The following RECK variants were observed in gnomAD, a reference collection of about 807,000 sequenced individuals.
The protein encoded by RECK is reversion inducing cysteine rich protein with kazal motifs, also known as reversion-inducing cysteine-rich protein with Kazal motifs.
A neutral mutation model predicts 115.1 loss-of-function variants in RECK; 69 were observed. That is an observed-to-expected ratio of 0.60 (90% CI 0.49 to 0.73). RECK has a LOEUF of 0.73. RECK is among the 30% of genes least tolerant of loss of function. The probability of loss-of-function intolerance (pLI) is 0.00; values close to 1 mark genes in which losing one functional copy is unlikely to be tolerated. For synonymous variants in RECK, 414 were observed against 419.7 expected, an observed-to-expected ratio of 0.99 and a Z score of 0.17; for missense variants, 1,047 against 1,203.7, an observed-to-expected ratio of 0.87 and a Z score of 1.93.
At chr9:36,082,152 T>TTCTCTCCCTCTCTC (rs1822729508) in intron 7 of RECK, among the ~76,000 whole-genome samples, 1 of 113,650 alleles carries the variant, frequency 8.8e-6, no homozygotes, top group Non-Finnish European at 1.8e-5. Flanking sequence ...CCTCCCTGCT[T>TTCTCTCCCTCTCTC]TCTCTCTCTC....
chr9:36,089,600 AT>A (rs1823085369), intron 9 of RECK, among the ~76,000 whole-genome samples: 1 of 152,180 alleles, frequency 6.6e-6, no homozygotes, highest in Non-Finnish European at 1.5e-5. Flanking sequence ...ACCTCATGTG[AT>A]GGGTCACAGT....
At chr9:36,087,164 CAAAA>C (rs1264575500) in intron 8 of RECK, among the ~76,000 whole-genome samples, 2 of 148,748 alleles carry the variant, frequency 1.3e-5, no homozygotes, top group Non-Finnish European at 3.0e-5. Context: ...CAGAGCATGA[CAAAA>C]AAAGAAAAAA....
intron 11 of RECK, among the ~76,000 whole-genome samples, chr9:36,101,475 C>T (rs1166207718): frequency 1.3e-5 from 2 of 152,152 alleles, no homozygotes; most frequent in African/African-American, 4.8e-5. Flanking sequence ...TAATTTCAAC[C>T]TTAAACAGAG....
intron 12 of RECK, among the ~76,000 whole-genome samples, chr9:36,102,511 AACCAGCTCCATATC>A (rs1823599848): frequency 6.6e-6 from 1 of 152,212 alleles, no homozygotes; most frequent in Admixed American, 6.5e-5. Context: ...ATTCTCAGAT[AACCAGCTCCATATC>A]ATTGCTGTCT....
chr9:36,109,123 T>C (rs758293794), intron 14 of RECK, among the ~76,000 whole-genome samples: 8 of 152,080 alleles, frequency 5.3e-5, no homozygotes, highest in Non-Finnish European at 8.8e-5. Context: ...GTAGGTACTT[T>C]GTATCACAGA....
chr9:36,074,518 C>T (rs1435936718), intron 6 of RECK, among the ~76,000 whole-genome samples: 1 of 152,098 alleles, frequency 6.6e-6, no homozygotes, highest in Non-Finnish European at 1.5e-5. Flanking sequence ...AAAACCCTGC[C>T]TAGGGAAATG....
At chr9:36,091,585 A>G (rs1391491620) in intron 10 of RECK, among the ~76,000 whole-genome samples, 1 of 152,332 alleles carries the variant, frequency 6.6e-6, no homozygotes, top group East Asian at 1.9e-4. Context: ...TTCTGCCGTC[A>G]GTCCCCTCTC....
chr9:36,070,768 T>C (rs1822197951), intron 6 of RECK, among the ~76,000 whole-genome samples: 1 of 152,210 alleles, frequency 6.6e-6, no homozygotes, highest in South Asian at 2.1e-4. Flanking sequence ...AGAAATAATA[T>C]ATCCTTCACT....
rs1204157091 is a variant in RECK at position 36,100,449 on chromosome 9, A to G, written c.1204A>G (p.Ile402Val). The G allele has an allele frequency of 1.9e-6, 3 of 1,614,166 alleles. No individual in the cohort carries two copies. The highest frequency in any genetic ancestry group is 2.5e-6 in the Non-Finnish European group (3 of 1,179,984). ...ATTTATCAATATACCTGTTCTTGAT[A>G]TTAAAAAGTGCCAGCCAGAGATGTG... ...MPFINIPVLD[I>V]KKCQPEMWKA... The change falls in exon 11 of 21, where the codon ATT (isoleucine) becomes GTT (valine). Residue 402 changes from isoleucine (I) to valine (V), a missense_variant. Transcript: ENST00000377966.
At chr9:36,091,425 A>G in intron 10 of RECK, 82 bp downstream of exon 10, 1 of 1,068,724 alleles carries the variant, frequency 9.4e-7, no homozygotes, top group Non-Finnish European at 1.3e-6. Context: ...TTCTGATTTT[A>G]TTCCTGTTGG....
chr9:36,069,178 C>T (rs942166072), intron 6 of RECK, among the ~76,000 whole-genome samples: 13 of 152,132 alleles, frequency 8.5e-5, no homozygotes, highest in African/African-American at 3.1e-4. Context: ...AAAGATACTT[C>T]AGATATAGAA....
intron 1 of RECK, among the ~76,000 whole-genome samples, chr9:36,047,711 G>T (rs1821119407): frequency 6.6e-6 from 1 of 151,060 alleles, no homozygotes; most frequent in South Asian, 2.1e-4. Context: ...CTTCTGAAAT[G>T]TAGTGAAATT....
intron 1 of RECK, among the ~76,000 whole-genome samples, chr9:36,043,337 C>A (rs374448355): frequency 6.6e-6 from 1 of 151,606 alleles, no homozygotes; most frequent in Admixed American, 6.6e-5. Flanking sequence ...CCACCGAGTC[C>A]GGCTCCTTAG....
At chr9:36,121,984 A>C (rs1824476662) in intron 20 of RECK, among the ~76,000 whole-genome samples, 1 of 152,168 alleles carries the variant, frequency 6.6e-6, no homozygotes, top group Non-Finnish European at 1.5e-5. Flanking sequence ...CCGAGAAATC[A>C]CTGTCTCTAA....
At position 36,063,892 on chromosome 9, in the gene RECK, T is replaced by C. The variant is rs16932881; in HGVS notation, c.357+12T>C. Reference sequence around the variant, plus strand: ...AGGCATGCAAGCAGGTAACACTGGGTAGTCAGGCTCTCAAACATCATGGAG... The same window carrying C: ...AGGCATGCAAGCAGGTAACACTGGGCAGTCAGGCTCTCAAACATCATGGAG... On this transcript the variant is annotated intron_variant, in intron 5 of 20. Transcript: ENST00000377966. The C allele has an allele frequency of 5.3e-3, 8,570 of 1,612,804 alleles. 338 individuals are homozygous for C. In the African/African-American group the frequency reaches 0.089, roughly 17 times the overall value.
intron 10 of RECK, among the ~76,000 whole-genome samples, chr9:36,097,447 A>C (rs1338276529): frequency 6.6e-6 from 1 of 152,232 alleles, no homozygotes; most frequent in African/African-American, 2.4e-5. Context: ...ATCACTAATT[A>C]TCAGTGAAAT....
At chr9:36,107,169 A>T (rs1823853186) in intron 13 of RECK, among the ~76,000 whole-genome samples, 1 of 151,724 alleles carries the variant, frequency 6.6e-6, no homozygotes, top group Non-Finnish European at 1.5e-5. Context: ...AACTCAGAAA[A>T]CCCATCATAT....
At chr9:36,053,942 A>G (rs550440002) in intron 2 of RECK, among the ~76,000 whole-genome samples, 1 of 152,312 alleles carries the variant, frequency 6.6e-6, no homozygotes, top group Non-Finnish European at 1.5e-5. Flanking sequence ...TGTGACTTTT[A>G]TCTCTAGGCA....
rs755081820 is a variant in RECK at position 36,091,149 on chromosome 9, G to A, written c.906-15G>A. 5 of 1,613,070 alleles carry A rather than the reference G, an allele frequency of 3.1e-6. No homozygotes were observed. The South Asian group carries it at 5.5e-5, about 18-fold the overall frequency. On this transcript the variant is annotated splice_polypyrimidine_tract_variant and intron_variant, in intron 9 of 20. Coordinates refer to ENST00000377966, the MANE Select transcript of RECK (RefSeq NM_021111.3). ...TTGGCTCATGTCGGCTTCTGCATTTGTGCTCTTGTTTCAGGGAACTCTGCA... is the reference window on the plus strand; with the variant it reads ...TTGGCTCATGTCGGCTTCTGCATTTATGCTCTTGTTTCAGGGAACTCTGCA...
Sources: allele counts gnomAD v4.1 joint callset (sites outside exome capture counted in the v4.1 genomes callset), GRCh38; gene constraint gnomAD v4.1.1; transcripts MANE v1.5; gene names NCBI Gene and HGNC (gene_info 2026-07-23, HGNC 2026-07-21).